Variants in COL4A6 observed in about 807,000 individuals in gnomAD.
COL4A6 encodes the protein collagen type IV alpha 6 chain.
In COL4A6, 59 loss-of-function variants were observed where a neutral mutation model predicts 126.7. The ratio of observed to expected loss-of-function variants is 0.47; its 90% CI spans 0.38 to 0.58. The LOEUF is 0.58. Ranked by LOEUF, COL4A6 falls within the 20% of genes least tolerant of loss-of-function variation. The probability of loss-of-function intolerance (pLI) is 0.00; values close to 1 mark genes in which losing one functional copy is unlikely to be tolerated. For missense variants in COL4A6, 1,285 were observed against 1,337.3 expected (o/e 0.96, Z 0.61); for synonymous variants, 547 against 496.6 (o/e 1.10, Z -1.35).
rs908112667 is a variant in COL4A6, at chrX:108,429,060, G to A, written c.63+8882C>T. On this transcript the variant is annotated intron_variant, in intron 2 of 44. Coordinates refer to ENST00000334504, the MANE Select transcript of COL4A6 (RefSeq NM_033641.4). Reference sequence around the variant, plus strand: ...TTAAAAGTCTATGGACTGATGAAGAGAGAATTAACATGTGATATATCCATT... The same window carrying A: ...TTAAAAGTCTATGGACTGATGAAGAAAGAATTAACATGTGATATATCCATT... Among the ~76,000 whole-genome samples the A allele has an allele frequency of 6.2e-5, 7 of 112,390 alleles. No individual in the cohort carries two copies. The East Asian group carries it at 2.0e-3, about 31-fold the overall frequency.
At chrX:108,319,175 G>C (rs765932770) in intron 2 of COL4A6, among the ~76,000 whole-genome samples, 1 of 111,929 alleles carries the variant, frequency 8.9e-6, no homozygotes, top group Non-Finnish European at 1.9e-5. Context: ...CGAGGAGTTC[G>C]AGACCAGCCT....
intron 2 of COL4A6, among the ~76,000 whole-genome samples, chrX:108,363,478 C>T (rs2040133541): frequency 8.9e-6 from 1 of 111,743 alleles, no homozygotes; most frequent in Non-Finnish European, 1.9e-5. Flanking sequence ...GTAGCAGGGG[C>T]GTATTTTCAG....
At chrX:108,157,915 TATC>T (rs1413624225) in intron 44 of COL4A6, among the ~76,000 whole-genome samples, 2 of 111,874 alleles carry the variant, frequency 1.8e-5, no homozygotes, top group African/African-American at 6.5e-5. Flanking sequence ...TTAGCCGGGC[TATC>T]ATCTGGACCA....
intron 3 of COL4A6, among the ~76,000 whole-genome samples, chrX:108,297,101 A>T (rs1056211639): frequency 5.4e-5 from 6 of 111,796 alleles, no homozygotes; most frequent in African/African-American, 2.0e-4. Flanking sequence ...TTTGAGTATA[A>T]ACAAATATTT....
intron 2 of COL4A6, among the ~76,000 whole-genome samples, chrX:108,387,783 T>G (rs2040736551): frequency 8.9e-6 from 1 of 112,228 alleles, no homozygotes; most frequent in Non-Finnish European, 1.9e-5. Flanking sequence ...AGGACATCCT[T>G]GCCTTGTGCT....
chrX:108,388,508 T>A (rs2040754085), intron 2 of COL4A6, among the ~76,000 whole-genome samples: 1 of 112,173 alleles, frequency 8.9e-6, no homozygotes, highest in Non-Finnish European at 1.9e-5. Context: ...TGTGTAGAAG[T>A]GTTTATAGTA....
At chrX:108,414,619 C>CAA (rs35601117) in intron 2 of COL4A6, among the ~76,000 whole-genome samples, 5,406 of 77,328 alleles carry the variant, frequency 0.07, 524 homozygotes, top group African/African-American at 0.22. Flanking sequence ...GCCTCTCTCT[C>CAA]AAAAAAAAAA....
intron 3 of COL4A6, among the ~76,000 whole-genome samples, chrX:108,289,990 A>C (rs934167081): frequency 6.3e-5 from 7 of 110,853 alleles, no homozygotes; most frequent in Non-Finnish European, 1.3e-4. Context: ...TCCCCCTCTC[A>C]CCCTCTCCCA....
intron 2 of COL4A6, among the ~76,000 whole-genome samples, chrX:108,383,102 C>T (rs1317087630): frequency 1.8e-5 from 2 of 108,657 alleles, no homozygotes; most frequent in Admixed American, 9.9e-5. Flanking sequence ...CGATAAGAAC[C>T]ATTACATTTA....
At chrX:108,161,092 G>T (rs142265590) in intron 42 of COL4A6, among the ~76,000 whole-genome samples, 1,250 of 111,702 alleles carry the variant, frequency 0.011, 29 homozygotes, top group African/African-American at 0.038. Context: ...GTAAAATCTT[G>T]CCCTCCTCTC....
At chrX:108,321,201 A>C (rs1247732659) in intron 2 of COL4A6, among the ~76,000 whole-genome samples, 1 of 112,029 alleles carries the variant, frequency 8.9e-6, no homozygotes, top group African/African-American at 3.2e-5. Flanking sequence ...GTTCTCATTC[A>C]ATGACTAATT....
chrX:108,407,227 GC>G (rs1411827211), intron 2 of COL4A6, among the ~76,000 whole-genome samples: 15 of 112,048 alleles, frequency 1.3e-4, no homozygotes, highest in East Asian at 8.4e-4. Flanking sequence ...AATGTTTGTT[GC>G]CTCTCCCTTG....
At chrX:108,379,867 C>T (rs2040526518) in intron 2 of COL4A6, among the ~76,000 whole-genome samples, 1 of 110,209 alleles carries the variant, frequency 9.1e-6, no homozygotes, top group Non-Finnish European at 1.9e-5. Flanking sequence ...AATATCCCTC[C>T]AGCAGTTGGA....
chrX:108,260,068 C>T (rs144003212), intron 3 of COL4A6, among the ~76,000 whole-genome samples: 3,315 of 108,914 alleles, frequency 0.03, 118 homozygotes, highest in African/African-American at 0.1. Flanking sequence ...AGAAAAGTCT[C>T]GACTAGATAA....
rs2034395323 is a variant in COL4A6, at chrX:108,173,956, G to A, written c.3138+484C>T. Among the ~76,000 whole-genome samples, 3 of 112,553 alleles carry A rather than the reference G, an allele frequency of 2.7e-5. No individual in the cohort carries two copies. The South Asian group carries it at 1.1e-3, about 41-fold the overall frequency. On this transcript the variant is annotated intron_variant, in intron 31 of 44. Coordinates refer to ENST00000334504, the MANE Select transcript of COL4A6 (RefSeq NM_033641.4). ...TAGCAAAACGTCAAGAAGTTTTTAC[G>A]AATTCTTACAATGTGCCAGGCTCAA...
At chrX:108,276,974 A>C (rs1377421637) in intron 3 of COL4A6, among the ~76,000 whole-genome samples, 2 of 112,687 alleles carry the variant, frequency 1.8e-5, no homozygotes, top group Non-Finnish European at 3.7e-5. Flanking sequence ...TCCAAACAAA[A>C]TCTTAGAGAA....
intron 2 of COL4A6, among the ~76,000 whole-genome samples, chrX:108,347,987 T>A (rs1182267460): frequency 1.8e-5 from 2 of 110,490 alleles, no homozygotes; most frequent in African/African-American, 6.6e-5. Context: ...GCTACAGCAA[T>A]AAGGGAGTGC....
chrX:108,206,708 G>C lies in COL4A6; in HGVS notation c.547-128C>G, dbSNP rs1266731. 165,350 of 584,873 alleles carry C rather than the reference G, an allele frequency of 0.28. 16,265 individuals carry two copies. Among genetic ancestry groups the C allele is most frequent in the Middle Eastern group, 0.37 (1,176 of 3,155 alleles). 48.2% of individuals were successfully genotyped at this position (584,873 alleles called of 1,213,427 possible). On this transcript the variant is annotated intron_variant, in intron 8 of 44. Coordinates refer to ENST00000334504, the MANE Select transcript of COL4A6 (RefSeq NM_033641.4). The stretch of plus-strand genomic sequence containing the variant: ...CTTTATTCATAATAGTCAAAAATTG[G>C]AAATGTTCCAGTTGTCCAATGATAC...
intron 3 of COL4A6, among the ~76,000 whole-genome samples, chrX:108,294,794 C>T (rs915265031): frequency 9.0e-6 from 1 of 111,227 alleles, no homozygotes; most frequent in African/African-American, 3.3e-5. Context: ...GAAAATTAAA[C>T]GAGACAAGGT....
Sources: allele counts gnomAD v4.1 joint callset (sites outside exome capture counted in the v4.1 genomes callset), GRCh38; gene constraint gnomAD v4.1.1; transcripts MANE v1.5; gene names NCBI Gene and HGNC (gene_info 2026-07-23, HGNC 2026-07-21).